The following HDAC4 variants were observed in gnomAD, a reference collection of about 807,000 sequenced individuals.
HDAC4 encodes histone deacetylase A.
Under a neutral mutation model 135.1 loss-of-function variants are expected in HDAC4, and 16 were observed. That is an observed-to-expected ratio of 0.12 (90% CI 0.08 to 0.18). The LOEUF (loss-of-function observed/expected upper bound fraction) is 0.18. Among genes scored for constraint, HDAC4 ranks in the 10% least tolerant of loss-of-function variants. HDAC4 has a pLI of 1.00. For missense variants in HDAC4, 1,143 were observed against 1,511.8 expected (o/e 0.76, Z 4.05); for synonymous variants, 685 against 653.4 (o/e 1.05, Z -0.74).
intron 15 of HDAC4, among the ~76,000 whole-genome samples, chr2:239,106,642 C>T (rs564613902): frequency 2.6e-5 from 4 of 152,260 alleles, no homozygotes; most frequent in African/African-American, 7.2e-5. Flanking sequence ...TTAGAGAATT[C>T]CCCCCTGAAA....
rs1559502761 is a variant in HDAC4, at chr2:239,141,985, G to A, written c.866-2189C>T. On this transcript the variant is annotated intron_variant, in intron 8 of 26. Transcript: ENST00000543185. The surrounding 1 kb of genome is among the most constrained non-coding windows in gnomAD (Gnocchi z 4.9). ...AGGCGTGTGGCTGAAATTGAGTGGA[G>A]AGGGATGCAGGATGGCGCAGGAAGA... 6.6e-6 allele frequency among the ~76,000 whole-genome samples: 1 copy of A among 152,184 alleles called. No individual in the cohort carries two copies.
chr2:239,168,531 ATATT>A (rs2043248997), intron 5 of HDAC4, among the ~76,000 whole-genome samples: 2 of 152,222 alleles, frequency 1.3e-5, no homozygotes, highest in African/African-American at 4.8e-5. Flanking sequence ...AAGTGTAATG[ATATT>A]TATTAGATAC....
rs540869407 is a variant in HDAC4 at position 239,342,670 on chromosome 2, G to A, written c.22+10008C>T. ...TCAGCATGGAACCACACTGGGTCCTGAGTCCGTGTTGTAGCACTGAAGGAA... is the reference window on the plus strand; with the variant it reads ...TCAGCATGGAACCACACTGGGTCCTAAGTCCGTGTTGTAGCACTGAAGGAA... On this transcript the variant is annotated intron_variant, in intron 2 of 26. Coordinates refer to ENST00000543185, the MANE Select transcript of HDAC4 (RefSeq NM_001378414.1). 5.9e-5 allele frequency among the ~76,000 whole-genome samples: 9 copies of A among 152,308 alleles called. No individual in the cohort carries two copies. In the East Asian group the frequency reaches 1.7e-3, roughly 29 times the overall value.
chr2:239,220,550 G>A (rs2046889735), intron 3 of HDAC4, among the ~76,000 whole-genome samples: 1 of 152,188 alleles, frequency 6.6e-6, no homozygotes, highest in Non-Finnish European at 1.5e-5. Context: ...AGTGACCTCG[G>A]AGAAGATGGT....
rs1451888849 is a variant in HDAC4, at chr2:239,146,002, T to C, written c.734-1288A>G. Among the ~76,000 whole-genome samples, 1 of 152,134 alleles carries C rather than the reference T, an allele frequency of 6.6e-6. No homozygotes were observed. The highest frequency in any genetic ancestry group is 1.9e-4 in the East Asian group (1 of 5,170). On this transcript the variant is annotated intron_variant, in intron 7 of 26. Coordinates refer to ENST00000543185, the MANE Select transcript of HDAC4 (RefSeq NM_001378414.1). The surrounding 1 kb of genome is among the most constrained non-coding windows in gnomAD (Gnocchi z 4.5). ...CTTCCCAGAGAAACCAGAGAGGCGC[T>C]GTGAGAAGGTACCAGACTCTAAGCC...
chr2:239,261,810 C>T (rs2049384334), intron 2 of HDAC4, among the ~76,000 whole-genome samples: 1 of 152,220 alleles, frequency 6.6e-6, no homozygotes, highest in African/African-American at 2.4e-5. Flanking sequence ...CAGAACCTTC[C>T]CTCGCTCCTT....
At chr2:239,259,624 G>T (rs571951878) in intron 2 of HDAC4, among the ~76,000 whole-genome samples, 1 of 152,316 alleles carries the variant, frequency 6.6e-6, no homozygotes, top group African/African-American at 2.4e-5. Context: ...CAAAGGCTTA[G>T]AAACAAACGG....
rs373202753 is a variant in HDAC4 at position 239,087,424 on chromosome 2, C to T, written c.2444+135G>A. The T allele has an allele frequency of 6.2e-5, 51 of 817,030 alleles. No homozygotes were observed. The Middle Eastern group carries it at 1.0e-3, about 17-fold the overall frequency. 50.6% of individuals were successfully genotyped at this position (817,030 alleles called of 1,614,324 possible). On this transcript the variant is annotated intron_variant, in intron 19 of 26. Coordinates refer to ENST00000543185, the MANE Select transcript of HDAC4 (RefSeq NM_001378414.1). Reference sequence around the variant, plus strand: ...CCACACCCAGGAGCTGGAGCCAAGCCGGCATGCGGCACATCCTGGGTGGCC... The same window carrying T: ...CCACACCCAGGAGCTGGAGCCAAGCTGGCATGCGGCACATCCTGGGTGGCC...
At chr2:239,072,428 G>A (rs2034292452) in intron 22 of HDAC4, among the ~76,000 whole-genome samples, 1 of 152,194 alleles carries the variant, frequency 6.6e-6, no homozygotes. Flanking sequence ...GTAGGTCCAT[G>A]TTTTAGGGTT....
Position 239,126,656 on chromosome 2 carries a change from C to G in HDAC4, c.1333G>C (p.Ala445Pro), listed in dbSNP as rs770769407. 1 of 1,613,908 alleles carries G rather than the reference C, an allele frequency of 6.2e-7. No homozygotes were observed. Among genetic ancestry groups the G allele is most frequent in the Non-Finnish European group, 8.5e-7 (1 of 1,179,918 alleles). Residue 445 changes from alanine (A) to proline (P), a missense_variant, in exon 12 of 27, where the codon GCA becomes CCA. By Grantham distance (27) the Ala-to-Pro change is conservative. Coordinates refer to ENST00000543185, the MANE Select transcript of HDAC4 (RefSeq NM_001378414.1). The part of the protein sequence containing the change: ...LSGLGALPLH[A>P]QSLVGADRVS... ...CGGTCTGCACCAACCAAGGACTGTG[C>G]GTGGAGGGGCAGTGCTCCCAGGCCT...
At position 239,221,609 on chromosome 2, in the gene HDAC4, GACACACACAC is replaced by G. The variant is rs3838519; in HGVS notation, c.94+14974_94+14983del. ...GCGCCTCAAAGTGCGCTGAGAGTGG[GACACACACAC>G]ACACACACACACACACACACACACA... On this transcript the variant is annotated intron_variant, in intron 3 of 26. Transcript: ENST00000543185. Among the ~76,000 whole-genome samples, 1,450 of 149,074 alleles carry G rather than the reference GACACACACAC, an allele frequency of 9.7e-3. 8 individuals carry two copies. Among genetic ancestry groups the G allele is most frequent in the Middle Eastern group, 0.014 (4 of 292 alleles).
At chr2:239,095,499 G>A (rs1041795040) in intron 16 of HDAC4, among the ~76,000 whole-genome samples, 1 of 152,128 alleles carries the variant, frequency 6.6e-6, no homozygotes, top group Non-Finnish European at 1.5e-5. Context: ...GCAAACAAGG[G>A]GCAAGTCCCG....
chr2:239,183,561 G>A (rs913472485), intron 4 of HDAC4, among the ~76,000 whole-genome samples: 17 of 152,312 alleles, frequency 1.1e-4, no homozygotes, highest in South Asian at 1.0e-3. Flanking sequence ...TGGCCCCACT[G>A]CCCACTGCCA....
At chr2:239,087,053 C>A (rs1348860754) in intron 19 of HDAC4, among the ~76,000 whole-genome samples, 1 of 152,236 alleles carries the variant, frequency 6.6e-6, no homozygotes. Flanking sequence ...ACTCGCCACC[C>A]TGCCCAGATC....
chr2:239,190,210 C>T, intron 3 of HDAC4, 133 bp from the exon 4 acceptor site: 2 of 1,199,322 alleles, frequency 1.7e-6, no homozygotes, highest in Middle Eastern at 2.9e-4. Context: ...GATTGGATAC[C>T]CCTCTCCCCC....
At position 239,281,591 on chromosome 2, in the gene HDAC4, C is replaced by A. The variant is rs572146504; in HGVS notation, c.23-44927G>T. 8.2e-3 allele frequency among the ~76,000 whole-genome samples: 1,156 copies of A among 141,706 alleles called. 17 individuals carry two copies. The highest frequency in any genetic ancestry group is 0.012 in the Non-Finnish European group (797 of 65,820). 93.0% of individuals were successfully genotyped at this position (141,706 alleles called of 152,430 possible). On this transcript the variant is annotated intron_variant, in intron 2 of 26. Transcript: ENST00000543185. ...TCTACAATGTACACACCACTCTCCACACAATGTACACACCACTCTACACAC... is the reference window on the plus strand; with the variant it reads ...TCTACAATGTACACACCACTCTCCAAACAATGTACACACCACTCTACACAC...
intron 3 of HDAC4, among the ~76,000 whole-genome samples, chr2:239,191,428 A>G (rs1333916529): frequency 6.6e-6 from 1 of 152,242 alleles, no homozygotes; most frequent in Non-Finnish European, 1.5e-5. Flanking sequence ...ATTTGGGTGA[A>G]ACAGCCCATA....
At chr2:239,252,396 T>TGGACAC (rs1361188792) in intron 2 of HDAC4, among the ~76,000 whole-genome samples, 1 of 152,184 alleles carries the variant, frequency 6.6e-6, no homozygotes, top group African/African-American at 2.4e-5. Context: ...GCCATGGACA[T>TGGACAC]GGCCCACGCC....
chr2:239,225,729 G>T (rs1049404919), intron 3 of HDAC4, among the ~76,000 whole-genome samples: 1 of 59,858 alleles, frequency 1.7e-5, no homozygotes, highest in Admixed American at 1.9e-4. Context: ...TCTTCCCCTC[G>T]CCCGTGGCCA....
Sources: allele counts gnomAD v4.1 joint callset (sites outside exome capture counted in the v4.1 genomes callset), GRCh38; gene constraint gnomAD v4.1.1; non-coding constraint Gnocchi (gnomAD v3.1); transcripts MANE v1.5; gene names NCBI Gene and HGNC (gene_info 2026-07-23, HGNC 2026-07-21).